SBK3: variants seen among roughly 807,000 people sequenced by gnomAD.
SBK3 encodes the protein uncharacterized serine/threonine-protein kinase SBK3.
A neutral mutation model predicts 12.7 loss-of-function variants in SBK3; 16 were observed. That is an observed-to-expected ratio of 1.26 (90% confidence interval 0.86 to 1.92). The LOEUF is 1.92. SBK3 is among the 40% of genes most tolerant of loss of function. The pLI is 0.00. For synonymous variants in SBK3, 217 were observed against 213.6 expected (o/e 1.02, Z -0.14); for missense variants, 462 against 481.8 (o/e 0.96, Z 0.38).
rs764932738 is a variant in SBK3 at position 55,545,028 on chromosome 19, C to G, written c.46-79G>C. ...GGTGGGGGAGGAGGTCACGGCGCAGCCCCAGGATGGAGGGTGGGGCAGGGG... is the reference window on the plus strand; with the variant it reads ...GGTGGGGGAGGAGGTCACGGCGCAGGCCCAGGATGGAGGGTGGGGCAGGGG... On this transcript the variant is annotated intron_variant, in intron 1 of 3. Coordinates refer to ENST00000612221, the MANE Select transcript of SBK3 (RefSeq NM_001199824.2). This position sits in a 1 kb window ranked among gnomAD's most constrained non-coding sequence, Gnocchi z 4.4. 4.4e-6 allele frequency: 5 copies of G among 1,136,112 alleles called. No individual in the cohort carries two copies. The highest frequency in any genetic ancestry group is 6.1e-6 in the Non-Finnish European group (5 of 815,934). The allele number at this position is 1,136,112 out of a possible 1,614,324, so 70.4% of individuals were successfully genotyped here.
Position 55,544,949 on chromosome 19 carries a change from C to T in SBK3, c.46G>A (p.Glu16Lys). The change falls in exon 2 of 4, where the codon GAG becomes AAG. Residue 16 changes from glutamate to lysine, a missense_variant and splice_region_variant. Transcript: ENST00000612221. Reference protein sequence around the residue: ...SETPEDGDPEEDTATALQRLV... With the variant: ...SETPEDGDPEKDTATALQRLV... ...CGTTGGAGGGCTGTGGCTGTGTCCT[C>T]CTACGGGAGAGGGGCAGGGTGAGGA... The T allele has an allele frequency of 3.3e-6, 5 of 1,529,146 alleles. No homozygotes were observed. Among genetic ancestry groups the T allele is most frequent in the Non-Finnish European group, 4.4e-6 (5 of 1,144,074 alleles). 94.7% of individuals were successfully genotyped at this position (1,529,146 alleles called of 1,614,324 possible).
chr19:55,543,355 TCCAC>T (rs1988607548), intron 3 of SBK3, among the ~76,000 whole-genome samples: 1 of 39,186 alleles, frequency 2.6e-5, no homozygotes, highest in Non-Finnish European at 4.8e-5. Context: ...CACCCATCCA[TCCAC>T]CCACCCATCC....
chr19:55,541,617 C>A lies in SBK3; in HGVS notation c.400-91G>T. 2.8e-6 allele frequency: 3 copies of A among 1,071,490 alleles called. No individual in the cohort carries two copies. Among genetic ancestry groups the A allele is most frequent in the Non-Finnish European group, 3.9e-6 (3 of 766,360 alleles). The allele number at this position is 1,071,490 out of a possible 1,614,324, so 66.4% of individuals were successfully genotyped here. On this transcript the variant is annotated intron_variant, in intron 3 of 3. Transcript: ENST00000612221. This position sits in a 1 kb window ranked among gnomAD's most constrained non-coding sequence, Gnocchi z 5.3. The stretch of plus-strand genomic sequence containing the variant: ...CTGGTCTCAAACTCCTGGCCTCAAG[C>A]GATCCTCCTGCCTTGGCCTCCCAAA...
chr19:55,542,888 C>G (rs933799986), intron 3 of SBK3, among the ~76,000 whole-genome samples: 10 of 150,262 alleles, frequency 6.7e-5, no homozygotes, highest in African/African-American at 2.2e-4. Context: ...ACCCACCAAT[C>G]CTTTCATCCA....
Position 55,544,134 on chromosome 19 carries a change from G to GGCGC in SBK3, c.361_364dup (p.Pro122ArgfsTer47). 6.5e-7 allele frequency: 1 copy of GGCGC among 1,530,708 alleles called. No homozygotes were observed. Among genetic ancestry groups the GGCGC allele is most frequent in the Non-Finnish European group, 8.7e-7 (1 of 1,144,186 alleles). The allele number at this position is 1,530,708 out of a possible 1,614,324, so 94.8% of individuals were successfully genotyped here. A position where few individuals can be genotyped will look rare whatever the true frequency, so the allele number is the denominator to read the frequency against. On this transcript the variant is annotated frameshift_variant, in exon 3 of 4. Transcript: ENST00000612221. LOFTEE classifies it low-confidence loss of function (END_TRUNC). ...CAGCATCCCGCTGAGGTCCCCACAGGGCGCGTACTCCTGGGCGAAGGCAAA... is the reference window on the plus strand; with the variant it reads ...CAGCATCCCGCTGAGGTCCCCACAGGGCGCGCGCGTACTCCTGGGCGAAGGCAAA...
chr19:55,542,096 C>T (rs1988567916), intron 3 of SBK3, among the ~76,000 whole-genome samples: 1 of 152,180 alleles, frequency 6.6e-6, no homozygotes, highest in African/African-American at 2.4e-5. Flanking sequence ...ATCTCTAACT[C>T]AGAGGCTTTT....
At chr19:55,543,975 G>A in intron 3 of SBK3, 125 bp downstream of exon 3, 2 of 730,022 alleles carry the variant, frequency 2.7e-6, no homozygotes, top group Non-Finnish European at 4.2e-6. Flanking sequence ...GGTCATGTGG[G>A]GGCTCAGGGT....
At position 55,541,265 on chromosome 19, in the gene SBK3, G is replaced by A. The variant is rs531739205; in HGVS notation, c.661C>T (p.Pro221Ser). 5 of 1,535,980 alleles carry A rather than the reference G, an allele frequency of 3.3e-6. No individual in the cohort carries two copies. Among genetic ancestry groups the A allele is most frequent in the Non-Finnish European group, 3.5e-6 (4 of 1,146,854 alleles). The change falls in exon 4 of 4, where the codon CCA becomes TCA. Residue 221 changes from proline to serine, a missense_variant. By Grantham distance (74) the Pro-to-Ser change is moderately conservative (BLOSUM62 -1). Transcript: ENST00000612221. This position sits in a 1 kb window ranked among gnomAD's most constrained non-coding sequence, Gnocchi z 5.3. ...LLPPDTLPLRPAVDSWGLGVL... is the reference protein window; with the variant it reads ...LLPPDTLPLRSAVDSWGLGVL... ...CCCAGGCCCCAGGAGTCCACGGCTG[G>A]CCGCAGAGGCAGGGTGTCGGGCGGT... is the stretch of plus-strand genomic sequence containing the variant.
At position 55,541,037 on chromosome 19, in the gene SBK3, G is replaced by T; in HGVS notation, c.889C>A (p.Pro297Thr). Residue 297 changes from proline to threonine, a missense_variant, in exon 4 of 4, where the codon CCA (proline) becomes ACA (threonine). By Grantham distance (38) the Pro-to-Thr change is conservative. Coordinates refer to ENST00000612221, the MANE Select transcript of SBK3 (RefSeq NM_001199824.2). This position sits in a 1 kb window ranked among gnomAD's most constrained non-coding sequence, Gnocchi z 5.3. ...LDLDPETRSP[P>T]LAVLDFLGDD... ...CCCAGGAAGTCCAGGACAGCCAGTG[G>T]GGGGCTCCTAGTCTCGGGATCCAGG... The T allele has an allele frequency of 6.5e-7, 1 of 1,536,020 alleles. No homozygotes were observed. Among genetic ancestry groups the T allele is most frequent in the Non-Finnish European group, 8.7e-7 (1 of 1,146,868 alleles).
In SBK3 at chr19:55,540,929, C is replaced by T; in HGVS notation, c.997G>A (p.Gly333Ser). The T allele has an allele frequency of 6.5e-7, 1 of 1,536,168 alleles. No individual in the cohort carries two copies. The highest frequency in any genetic ancestry group is 1.2e-5 in the South Asian group (1 of 84,056). The change falls in exon 4 of 4, where the codon GGC becomes AGC. Residue 333 changes from glycine to serine, a missense_variant. Gly to Ser is a moderately conservative substitution (Grantham distance 56). Coordinates refer to ENST00000612221, the MANE Select transcript of SBK3 (RefSeq NM_001199824.2). ...TCTGTCCACTCCTCCAGGCTTGAGC[C>T]TCCCTCCTCCCTGTCCTCATAGGAC... is the stretch of plus-strand genomic sequence containing the variant. ...AVSYEDREEG[G>S]SSLEEWTDEG...
rs1039866060 is a variant in SBK3 at position 55,544,886 on chromosome 19, T to C, written c.109A>G (p.Arg37Gly). 1 of 1,534,414 alleles carries C rather than the reference T, an allele frequency of 6.5e-7. No homozygotes were observed. Among genetic ancestry groups the C allele is most frequent in the Non-Finnish European group, 8.7e-7 (1 of 1,146,442 alleles). Residue 37 changes from arginine to glycine, a missense_variant, in exon 2 of 4, where the codon AGG becomes GGG. Physicochemically the swap from Arg to Gly is moderately radical, Grantham distance 125. Coordinates refer to ENST00000612221, the MANE Select transcript of SBK3 (RefSeq NM_001199824.2). ...ELTTSRVTPV[R>G]SLRDQYHLIR... is the part of the protein sequence containing the mutation. ...AGGTGGTACTGGTCCCGAAGGCTCC[T>C]CACCGGGGTCACCCTGCTGGTCGTC...
chr19:55,544,146 T>C lies in SBK3; in HGVS notation c.353A>G (p.Gln118Arg). Residue 118 changes from glutamine (Q) to arginine (R), a missense_variant, in exon 3 of 4, where the codon CAG becomes CGG. Coordinates refer to ENST00000612221, the MANE Select transcript of SBK3 (RefSeq NM_001199824.2). ...GAGGTCCCCACAGGGCGCGTACTCC[T>C]GGGCGAAGGCAAAATAGCGGGGGGT... The part of the protein sequence containing the change: ...LQTPRYFAFA[Q>R]EYAPCGDLSG... The C allele has an allele frequency of 6.5e-7, 1 of 1,534,500 alleles. No homozygotes were observed. The highest frequency in any genetic ancestry group is 8.7e-7 in the Non-Finnish European group (1 of 1,146,132).
Position 55,544,167 on chromosome 19 carries a change from G to C in SBK3, c.332C>G (p.Pro111Arg), listed in dbSNP as rs1988620970. Residue 111 changes from proline to arginine, a missense_variant, in exon 3 of 4, where the codon CCC becomes CGC. By Grantham distance (103) the Pro-to-Arg change is moderately radical. Coordinates refer to ENST00000612221, the MANE Select transcript of SBK3 (RefSeq NM_001199824.2). ...LQTLAGPLQT[P>R]RYFAFAQEYA... The stretch of plus-strand genomic sequence containing the variant: ...CTCCTGGGCGAAGGCAAAATAGCGG[G>C]GGGTCTGTAGGGGTCCTGCCAGGGT... 1 of 1,535,556 alleles carries C rather than the reference G, an allele frequency of 6.5e-7. No homozygotes were observed. Among genetic ancestry groups the C allele is most frequent in the Admixed American group, 2.0e-5 (1 of 50,868 alleles).
chr19:55,541,493 C>A lies in SBK3; in HGVS notation c.433G>T (p.Ala145Ser). ...LPELLVKRVV[A>S]QLAGALDFLH... ...AAGTCCAGAGCTCCTGCCAACTGGG[C>A]CACCACCCGCTTCACCAGCAGTTCT... Residue 145 changes from alanine to serine, a missense_variant, in exon 4 of 4, where the codon GCC (alanine) becomes TCC (serine). Ala to Ser is a moderately conservative substitution (Grantham distance 99). Coordinates refer to ENST00000612221, the MANE Select transcript of SBK3 (RefSeq NM_001199824.2). The surrounding 1 kb of genome is among the most constrained non-coding windows in gnomAD (Gnocchi z 5.3). 1.3e-6 allele frequency: 2 copies of A among 1,524,756 alleles called. No individual in the cohort carries two copies. The allele number at this position is 1,524,756 out of a possible 1,614,324, so 94.5% of individuals were successfully genotyped here.
At chr19:55,542,868 C>A (rs1988588973) in intron 3 of SBK3, among the ~76,000 whole-genome samples, 1 of 151,002 alleles carries the variant, frequency 6.6e-6, no homozygotes, top group South Asian at 2.1e-4. Context: ...TTCCTTCCAT[C>A]CATCCATCCA....
chr19:55,544,138 CGT>C lies in SBK3; in HGVS notation c.359_360del (p.Tyr120CysfsTer47). The C allele has an allele frequency of 1.4e-5, 22 of 1,532,240 alleles. No homozygotes were observed. The highest frequency in any genetic ancestry group is 1.7e-5 in the Non-Finnish European group (20 of 1,144,960). The allele number at this position is 1,532,240 out of a possible 1,614,324, so 94.9% of individuals were successfully genotyped here. A position where few individuals can be genotyped will look rare whatever the true frequency, so the allele number is the denominator to read the frequency against. On this transcript the variant is annotated frameshift_variant, in exon 3 of 4. Coordinates refer to ENST00000612221, the MANE Select transcript of SBK3 (RefSeq NM_001199824.2). LOFTEE classifies it low-confidence loss of function (END_TRUNC). ...ATCCCGCTGAGGTCCCCACAGGGCG[CGT>C]ACTCCTGGGCGAAGGCAAAATAGCG... ...TPRYFAFAQE[Y>X]APCGDLSGML...
At chr19:55,544,983 G>A (rs566236106) in intron 1 of SBK3, 34 bp from the exon 2 acceptor site, 63 of 1,494,690 alleles carry the variant, frequency 4.2e-5, no homozygotes, top group South Asian at 7.6e-5. Flanking sequence ...GAGGGGGCGC[G>A]TCTGGGGTCC....
Position 55,541,165 on chromosome 19 carries a change from G to T in SBK3, c.761C>A (p.Ala254Asp), listed in dbSNP as rs750916350. Reference protein sequence around the residue: ...VALAPNPEFEAFAGWVTTKPQ... With the variant: ...VALAPNPEFEDFAGWVTTKPQ... ...CTTGGTGGTCACCCAGCCAGCGAAG[G>T]CCTCGAACTCAGGGTTGGGGGCCAG... is the stretch of plus-strand genomic sequence containing the variant. The change falls in exon 4 of 4, where the codon GCC (alanine) becomes GAC (aspartate). Residue 254 changes from alanine to aspartate, a missense_variant. Ala to Asp is a moderately radical substitution (Grantham distance 126, BLOSUM62 -2). Transcript: ENST00000612221. The surrounding 1 kb of genome is among the most constrained non-coding windows in gnomAD (Gnocchi z 5.3). 1 of 1,535,946 alleles carries T rather than the reference G, an allele frequency of 6.5e-7. No homozygotes were observed.
At chr19:55,544,604 C>A (rs1487731263) in intron 2 of SBK3, among the ~76,000 whole-genome samples, 195 bp downstream of exon 2, 1 of 152,184 alleles carries the variant, frequency 6.6e-6, no homozygotes, top group Non-Finnish European at 1.5e-5. Context: ...TGCTGTGGGA[C>A]CGTAGGCAGT....
Sources: allele counts gnomAD v4.1 joint callset (sites outside exome capture counted in the v4.1 genomes callset), GRCh38; gene constraint gnomAD v4.1.1; non-coding constraint Gnocchi (gnomAD v3.1); transcripts MANE v1.5; gene names NCBI Gene and HGNC (gene_info 2026-07-23, HGNC 2026-07-21).